The following FHIT variants were observed in gnomAD, a reference collection of about 807,000 sequenced individuals.
FHIT encodes the protein fragile histidine triad diadenosine triphosphatase, also known as bis(5'-adenosyl)-triphosphatase.
FHIT carries 19 observed loss-of-function variants against 17.9 expected under a neutral mutation model. That is an observed-to-expected ratio of 1.06 (90% confidence interval 0.74 to 1.56). The LOEUF (loss-of-function observed/expected upper bound fraction) is 1.56. Ranked by LOEUF, FHIT falls within the 40% of genes most tolerant of loss-of-function variation. FHIT has a pLI of 0.00. For missense variants in FHIT, 248 were observed against 189.2 expected (o/e 1.31, Z -1.82); for synonymous variants, 81 against 69.7 (o/e 1.16, Z -0.81).
At chr3:60,722,555 C>T (rs1396553536) in intron 4 of FHIT, among the ~76,000 whole-genome samples, 1 of 152,082 alleles carries the variant, frequency 6.6e-6, no homozygotes, top group Non-Finnish European at 1.5e-5. Context: ...CTATCCTGTG[C>T]ACTGTAGGAT....
intron 3 of FHIT, among the ~76,000 whole-genome samples, chr3:60,886,443 G>A (rs1163602688): frequency 6.6e-6 from 1 of 152,200 alleles, no homozygotes; most frequent in Non-Finnish European, 1.5e-5. Context: ...GAGATCAAGA[G>A]TGGTAAAAGC....
At position 60,125,756 on chromosome 3, in the gene FHIT, C is replaced by G. The variant is rs147164146; in HGVS notation, c.104-111604G>C. On this transcript the variant is annotated intron_variant, in intron 5 of 9. Transcript: ENST00000492590. ...TTACAAAATGGGAGGAGTAGAGACA[C>G]TCGGGAGGACTGCATTTGGCTTTAT... 7.6e-3 allele frequency among the ~76,000 whole-genome samples: 1,149 copies of G among 152,026 alleles called. 19 individuals are homozygous for G. Among genetic ancestry groups the G allele is most frequent in the African/African-American group, 0.026 (1,082 of 41,460 alleles).
At chr3:60,727,464 A>G (rs1426318629) in intron 4 of FHIT, among the ~76,000 whole-genome samples, 1 of 152,216 alleles carries the variant, frequency 6.6e-6, no homozygotes, top group African/African-American at 2.4e-5. Context: ...CAGCAATAGA[A>G]GCAGATAGTG....
At chr3:59,967,513 A>T (rs1707981406) in intron 7 of FHIT, among the ~76,000 whole-genome samples, 1 of 152,188 alleles carries the variant, frequency 6.6e-6, no homozygotes, top group Admixed American at 6.6e-5. Flanking sequence ...ATAATCTTAT[A>T]GGGCCACCTT....
chr3:59,993,185 A>G (rs1387295921), intron 7 of FHIT, among the ~76,000 whole-genome samples: 1 of 151,808 alleles, frequency 6.6e-6, no homozygotes, highest in Admixed American at 6.6e-5. Flanking sequence ...TTCATCTTCA[A>G]CTCACTCCTT....
chr3:60,834,135 G>T (rs1249814987), intron 3 of FHIT, among the ~76,000 whole-genome samples: 1 of 152,186 alleles, frequency 6.6e-6, no homozygotes, highest in South Asian at 2.1e-4. Flanking sequence ...TTGTTTACTT[G>T]GGATAAATGC....
intron 3 of FHIT, among the ~76,000 whole-genome samples, chr3:60,931,475 G>C (rs782071107): frequency 6.6e-6 from 1 of 152,112 alleles, no homozygotes; most frequent in African/African-American, 2.4e-5. Flanking sequence ...TTAAGAATTA[G>C]AGAGATGACA....
chr3:61,233,599 C>A (rs1261152585), intron 1 of FHIT, among the ~76,000 whole-genome samples: 1 of 152,132 alleles, frequency 6.6e-6, no homozygotes. Context: ...TATAACTAGA[C>A]TAGAAGGATA....
chr3:59,786,973 A>G (rs1699334893), intron 8 of FHIT, among the ~76,000 whole-genome samples: 1 of 152,108 alleles, frequency 6.6e-6, no homozygotes, highest in African/African-American at 2.4e-5. Context: ...GCATAACTGA[A>G]TGGGATTCAG....
intron 4 of FHIT, among the ~76,000 whole-genome samples, chr3:60,568,759 CAGCTCTTAGTCA>C (rs948881765): frequency 7.9e-5 from 12 of 152,078 alleles, no homozygotes; most frequent in African/African-American, 1.4e-4. Flanking sequence ...AATTCCCTTT[CAGCTCTTAGTCA>C]AGCTCATCTT....
rs117995743 is a variant in FHIT at position 60,752,939 on chromosome 3, G to A, written c.-18+68980C>T. Among the ~76,000 whole-genome samples, 46 of 152,184 alleles carry A rather than the reference G, an allele frequency of 3.0e-4. No individual in the cohort carries two copies. The East Asian group carries it at 7.2e-3, about 24-fold the overall frequency. Reference sequence around the variant, plus strand: ...CTAGGTATCCCGTTAGGCATCTGTCGTGCTCCCAATTACATTACTTTCGAC... The same window carrying A: ...CTAGGTATCCCGTTAGGCATCTGTCATGCTCCCAATTACATTACTTTCGAC... On this transcript the variant is annotated intron_variant, in intron 4 of 9. Transcript: ENST00000492590.
intron 1 of FHIT, among the ~76,000 whole-genome samples, chr3:61,233,849 G>C (rs1015843888): frequency 6.6e-6 from 1 of 152,162 alleles, no homozygotes; most frequent in Non-Finnish European, 1.5e-5. Flanking sequence ...GGCCATTATG[G>C]AAAGGCCAAG....
chr3:59,950,527 C>G (rs141707453), intron 7 of FHIT, among the ~76,000 whole-genome samples: 2 of 146,264 alleles, frequency 1.4e-5, no homozygotes, highest in Non-Finnish European at 3.0e-5. Context: ...AGTCAGAGTA[C>G]TTGCCACTGT....
At chr3:60,357,280 T>C (rs1699710600) in intron 5 of FHIT, among the ~76,000 whole-genome samples, 1 of 152,162 alleles carries the variant, frequency 6.6e-6, no homozygotes, top group Non-Finnish European at 1.5e-5. Flanking sequence ...TAATCTTGGC[T>C]CACTGCAACC....
intron 5 of FHIT, among the ~76,000 whole-genome samples, chr3:60,052,962 T>A (rs535619656): frequency 6.6e-6 from 1 of 152,070 alleles, no homozygotes; most frequent in East Asian, 1.9e-4. Context: ...AATATAAAAT[T>A]ACACTTAAAA....
At chr3:60,126,424 A>G (rs1705553340) in intron 5 of FHIT, among the ~76,000 whole-genome samples, 1 of 152,200 alleles carries the variant, frequency 6.6e-6, no homozygotes, top group African/African-American at 2.4e-5. Context: ...AAGTTAGGGA[A>G]TACAGTAACA....
At chr3:61,075,226 T>G (rs1280755818) in intron 2 of FHIT, among the ~76,000 whole-genome samples, 1 of 152,156 alleles carries the variant, frequency 6.6e-6, no homozygotes, top group East Asian at 1.9e-4. Context: ...CAACCTTGTG[T>G]CGCATCTGGA....
chr3:60,452,311 G>T (rs914642191), intron 5 of FHIT, among the ~76,000 whole-genome samples: 2 of 152,084 alleles, frequency 1.3e-5, no homozygotes, highest in African/African-American at 2.4e-5. Flanking sequence ...TCTCATTTCA[G>T]TATCAGGAAA....
intron 7 of FHIT, among the ~76,000 whole-genome samples, chr3:59,994,901 G>A (rs1559532457): frequency 1.3e-5 from 2 of 152,054 alleles, no homozygotes; most frequent in African/African-American, 2.4e-5. Flanking sequence ...TATTCTGCCT[G>A]GAAGCCCTGT....
Sources: allele counts gnomAD v4.1 joint callset (sites outside exome capture counted in the v4.1 genomes callset), GRCh38; gene constraint gnomAD v4.1.1; transcripts MANE v1.5; gene names NCBI Gene and HGNC (gene_info 2026-07-23, HGNC 2026-07-21).